The following CDH13 variants were observed in gnomAD, a reference collection of about 807,000 sequenced individuals.
CDH13 encodes the protein cadherin-13.
A neutral mutation model predicts 63.8 loss-of-function variants in CDH13; 24 were observed. That is an observed-to-expected ratio of 0.38 (90% CI 0.27 to 0.53). CDH13 has a LOEUF of 0.53. CDH13 is among the 20% of genes least tolerant of loss of function. The probability of loss-of-function intolerance (pLI) is 0.85; values close to 1 mark genes in which losing one functional copy is unlikely to be tolerated. For synonymous variants in CDH13, 503 were observed against 355.3 expected, an observed-to-expected ratio of 1.42 and a Z score of -4.67; for missense variants, 1,049 against 903.1, an observed-to-expected ratio of 1.16 and a Z score of -2.07.
intron 1 of CDH13, among the ~76,000 whole-genome samples, chr16:82,836,704 C>A (rs570570553): frequency 1.1e-4 from 17 of 152,314 alleles, no homozygotes; most frequent in African/African-American, 3.8e-4. Context: ...CTGATGCCGA[C>A]TTCCTGCATT....
At chr16:83,006,149 C>G (rs576433040) in intron 2 of CDH13, among the ~76,000 whole-genome samples, 59 of 152,262 alleles carry the variant, frequency 3.9e-4, no homozygotes, top group African/African-American at 1.4e-3. Context: ...TAATTTTCAT[C>G]TACTGGCAGC....
chr16:83,647,561 T>G (rs1911952448), intron 8 of CDH13, among the ~76,000 whole-genome samples: 1 of 152,216 alleles, frequency 6.6e-6, no homozygotes, highest in Non-Finnish European at 1.5e-5. Flanking sequence ...ACTGAGTTAC[T>G]TATGAGCTGG....
intron 7 of CDH13, among the ~76,000 whole-genome samples, chr16:83,589,784 G>A (rs1372947764): frequency 1.3e-5 from 2 of 152,264 alleles, no homozygotes; most frequent in East Asian, 3.9e-4. Flanking sequence ...CACTCACCGT[G>A]CCATACAGCC....
At chr16:83,291,623 T>A (rs1284346384) in intron 5 of CDH13, among the ~76,000 whole-genome samples, 2 of 152,092 alleles carry the variant, frequency 1.3e-5, no homozygotes, top group Admixed American at 6.5e-5. Context: ...ACCAAGATAG[T>A]TTTCTTGGTG....
chr16:83,587,961 G>A (rs910047178), intron 7 of CDH13, among the ~76,000 whole-genome samples: 27 of 107,456 alleles, frequency 2.5e-4, no homozygotes, highest in African/African-American at 8.5e-4. Flanking sequence ...TTTTTTTTTT[G>A]AAAGATCATT....
chr16:83,788,353 CAG>C (rs1916024090), intron 13 of CDH13, among the ~76,000 whole-genome samples: 1 of 152,152 alleles, frequency 6.6e-6, no homozygotes, highest in African/African-American at 2.4e-5. Flanking sequence ...TCCCAGGTGA[CAG>C]GGGCCTCTAG....
chr16:83,524,284 T>G (rs1325074400), intron 7 of CDH13, among the ~76,000 whole-genome samples: 1 of 151,664 alleles, frequency 6.6e-6, no homozygotes, highest in African/African-American at 2.4e-5. Context: ...AGTGAAGGAG[T>G]AGACACTTAT....
chr16:83,767,820 G>A (rs561394465), intron 11 of CDH13, among the ~76,000 whole-genome samples: 6 of 152,144 alleles, frequency 3.9e-5, no homozygotes, highest in Non-Finnish European at 7.3e-5. Flanking sequence ...ACAGAAAATT[G>A]ATCAGTAGTT....
At chr16:83,395,289 G>A (rs548494030) in intron 6 of CDH13, among the ~76,000 whole-genome samples, 2 of 151,892 alleles carry the variant, frequency 1.3e-5, no homozygotes, top group South Asian at 4.2e-4. Flanking sequence ...ACTCTAGCCT[G>A]GGAGACAGAG....
intron 2 of CDH13, among the ~76,000 whole-genome samples, chr16:82,993,284 T>C (rs1322734251): frequency 2.0e-5 from 3 of 152,218 alleles, no homozygotes; most frequent in Admixed American, 6.5e-5. Flanking sequence ...CCGTAGAGCA[T>C]TGGTGCTGCC....
At chr16:83,147,656 T>A (rs534136647) in intron 4 of CDH13, among the ~76,000 whole-genome samples, 1 of 152,296 alleles carries the variant, frequency 6.6e-6, no homozygotes, top group East Asian at 1.9e-4. Context: ...TTTCTTGACA[T>A]CCTTATGGGA....
chr16:83,173,218 C>T (rs1012215755), intron 4 of CDH13, among the ~76,000 whole-genome samples: 1 of 152,162 alleles, frequency 6.6e-6, no homozygotes. Flanking sequence ...GTCATACACT[C>T]TGCTGGTTGT....
intron 5 of CDH13, among the ~76,000 whole-genome samples, chr16:83,238,322 C>A (rs6565159): frequency 0.99 from 150,835 of 152,262 alleles, 74,732 homozygotes; most frequent in Middle Eastern, 1. Flanking sequence ...TCTTACATGG[C>A]GGCAGGCAAG....
chr16:83,293,597 C>G (rs1036181650), intron 5 of CDH13, among the ~76,000 whole-genome samples: 2 of 152,040 alleles, frequency 1.3e-5, no homozygotes, highest in Non-Finnish European at 2.9e-5. Context: ...TAGTATTTTA[C>G]TAATCAAATA....
At chr16:83,691,926 C>G (rs1377038439) in intron 10 of CDH13, among the ~76,000 whole-genome samples, 1 of 152,164 alleles carries the variant, frequency 6.6e-6, no homozygotes, top group Non-Finnish European at 1.5e-5. Context: ...TAGATCACCC[C>G]TCATTTCACA....
chr16:83,592,690 C>G (rs1204621098), intron 7 of CDH13, among the ~76,000 whole-genome samples: 1 of 152,174 alleles, frequency 6.6e-6, no homozygotes, highest in Non-Finnish European at 1.5e-5. Context: ...GCTTCTCCAC[C>G]CTGCCAGCTT....
intron 7 of CDH13, among the ~76,000 whole-genome samples, chr16:83,563,771 C>T (rs867871462): frequency 6.6e-6 from 1 of 152,136 alleles, no homozygotes; most frequent in Admixed American, 6.5e-5. Flanking sequence ...ACCAAAGCCT[C>T]CTGCCCTATT....
chr16:82,981,453 A>C (rs1597350996), intron 2 of CDH13, among the ~76,000 whole-genome samples: 1 of 151,986 alleles, frequency 6.6e-6, no homozygotes, highest in South Asian at 2.1e-4. Context: ...ATGTCTCATC[A>C]TTCTCCACCT....
At chr16:83,248,705 C>A (rs1007778242) in intron 5 of CDH13, among the ~76,000 whole-genome samples, 3 of 152,090 alleles carry the variant, frequency 2.0e-5, no homozygotes, top group African/African-American at 4.8e-5. Flanking sequence ...CTTAACTGAG[C>A]CTTCTCCAAG....
Sources: allele counts gnomAD v4.1 joint callset (sites outside exome capture counted in the v4.1 genomes callset), GRCh38; gene constraint gnomAD v4.1.1; transcripts MANE v1.5; gene names NCBI Gene and HGNC (gene_info 2026-07-23, HGNC 2026-07-21).